The following NFIA variants were observed in gnomAD, a reference collection of about 807,000 sequenced individuals.
The protein encoded by NFIA is nuclear factor 1 A-type.
NFIA carries 8 observed loss-of-function variants against 62.8 expected under a neutral mutation model. The ratio of observed to expected loss-of-function variants is 0.13; its 90% CI spans 0.07 to 0.23. The LOEUF (loss-of-function observed/expected upper bound fraction) is 0.23. Among genes scored for constraint, NFIA ranks in the 10% least tolerant of loss-of-function variants. NFIA has a pLI of 1.00. For missense variants in NFIA, 410 were observed against 642.1 expected, an observed-to-expected ratio of 0.64 and a Z score of 3.91; for synonymous variants, 235 against 238.1, an observed-to-expected ratio of 0.99 and a Z score of 0.12.
In NFIA at chr1:61,455,513, ATTT is replaced by A; in HGVS notation, c.*204_*206del. 5 of 583,138 alleles carry A rather than the reference ATTT, an allele frequency of 8.6e-6. No homozygotes were observed. The highest frequency in any genetic ancestry group is 1.4e-5 in the Non-Finnish European group (5 of 350,220). The allele number at this position is 583,138 out of a possible 1,614,324, so 36.1% of individuals were successfully genotyped here. On this transcript the variant is annotated 3_prime_UTR_variant, in exon 11 of 11. Transcript: ENST00000403491. Reference sequence around the variant, plus strand: ...ACAGCAAAGGCCATAACCTTTTGGGATTTTTTTTTTTTTAAAATACTTTAGGGA... The same window carrying A: ...ACAGCAAAGGCCATAACCTTTTGGGATTTTTTTTTTAAAATACTTTAGGGA...
At chr1:61,220,049 C>T (rs1206170365) in intron 2 of NFIA, among the ~76,000 whole-genome samples, 1 of 152,166 alleles carries the variant, frequency 6.6e-6, no homozygotes, top group Non-Finnish European at 1.5e-5. Flanking sequence ...CAGGTCCCAT[C>T]GGCATTTTCC....
At chr1:61,120,566 G>T (rs1242753830) in intron 2 of NFIA, among the ~76,000 whole-genome samples, 4 of 152,156 alleles carry the variant, frequency 2.6e-5, no homozygotes, top group African/African-American at 9.7e-5. Flanking sequence ...GCCATCAAAA[G>T]AGTGATAAGC....
At chr1:61,300,677 A>G (rs898136984) in intron 3 of NFIA, among the ~76,000 whole-genome samples, 2 of 151,920 alleles carry the variant, frequency 1.3e-5, no homozygotes, top group African/African-American at 4.8e-5. Flanking sequence ...ATATACACAC[A>G]CATACCATAT....
At position 61,258,728 on chromosome 1, in the gene NFIA, G is replaced by GT. The variant is rs397755464; in HGVS notation, c.560-18782dup. ...CCTACTACAGATAATAGGAAATGTGGTTTTTTTTTTATTTTTTTGAAACAG... is the reference window on the plus strand; with the variant it reads ...CCTACTACAGATAATAGGAAATGTGGTTTTTTTTTTTATTTTTTTGAAACAG... On this transcript the variant is annotated intron_variant, in intron 2 of 10. Transcript: ENST00000403491. Among the ~76,000 whole-genome samples the GT allele has an allele frequency of 5.6e-3, 840 of 149,666 alleles. 6 individuals are homozygous for GT. The highest frequency in any genetic ancestry group is 7.1e-3 in the Non-Finnish European group (476 of 67,170).
chr1:61,170,012 C>T (rs1188702085), intron 2 of NFIA, among the ~76,000 whole-genome samples: 1 of 152,182 alleles, frequency 6.6e-6, no homozygotes, highest in East Asian at 1.9e-4. Flanking sequence ...CCCATTACCC[C>T]TACCATGTAG....
intron 7 of NFIA, 88 bp downstream of exon 7, chr1:61,383,453 C>G (rs1462734680): frequency 1.3e-6 from 2 of 1,539,430 alleles, no homozygotes; most frequent in Non-Finnish European, 1.8e-6. Context: ...AGGACTCCCC[C>G]TGAACACTCG....
At chr1:61,237,945 G>T (rs1431071521) in intron 2 of NFIA, among the ~76,000 whole-genome samples, 2 of 152,100 alleles carry the variant, frequency 1.3e-5, no homozygotes, top group Non-Finnish European at 2.9e-5. Context: ...TTTTCAAATG[G>T]CTCAAAGCCG....
intron 2 of NFIA, among the ~76,000 whole-genome samples, chr1:61,176,799 A>C (rs1333813292): frequency 6.6e-6 from 1 of 152,140 alleles, no homozygotes; most frequent in Non-Finnish European, 1.5e-5. Context: ...TTTTTAAAAA[A>C]TTCATTTATT....
chr1:61,161,554 CCTCT>C (rs1218199946), intron 2 of NFIA, among the ~76,000 whole-genome samples: 1 of 151,274 alleles, frequency 6.6e-6, no homozygotes, highest in Non-Finnish European at 1.5e-5. Flanking sequence ...AGCTTGAGAT[CCTCT>C]CTTTCTCTCT....
chr1:61,368,060 A>C (rs1288624866), intron 6 of NFIA, among the ~76,000 whole-genome samples: 1 of 152,226 alleles, frequency 6.6e-6, no homozygotes, highest in Non-Finnish European at 1.5e-5. Flanking sequence ...GAGAACCCAG[A>C]TGTACAATTT....
In NFIA at chr1:61,385,471, T is replaced by TAATG. The variant is rs10628489; in HGVS notation, c.1075+2108_1075+2111dup. On this transcript the variant is annotated intron_variant, in intron 7 of 10. Coordinates refer to ENST00000403491, the MANE Select transcript of NFIA (RefSeq NM_001134673.4). ...ATCAATATAGTGGGTACAATACTAA[T>TAATG]AATGACCATTTCCTCCCAATCTTGT... Among the ~76,000 whole-genome samples, 643 of 152,304 alleles carry TAATG rather than the reference T, an allele frequency of 4.2e-3. 9 individuals carry two copies. The highest frequency in any genetic ancestry group is 0.036 in the East Asian group (185 of 5,162).
intron 4 of NFIA, among the ~76,000 whole-genome samples, chr1:61,341,959 G>C (rs1661944461): frequency 6.6e-6 from 1 of 152,104 alleles, no homozygotes; most frequent in Admixed American, 6.5e-5. Flanking sequence ...GATTTGGCTG[G>C]AGTACATTAT....
In NFIA at chr1:61,432,468, T is replaced by G. The variant is rs1420583232; in HGVS notation, c.1512+5912T>G. On this transcript the variant is annotated intron_variant, in intron 10 of 10. Coordinates refer to ENST00000403491, the MANE Select transcript of NFIA (RefSeq NM_001134673.4). Reference sequence around the variant, plus strand: ...TTAGCTGACGCCATTCCCGGGCTCCTGCCCACCCTGACAGGAGCTGCCTGA... The same window carrying G: ...TTAGCTGACGCCATTCCCGGGCTCCGGCCCACCCTGACAGGAGCTGCCTGA... Among the ~76,000 whole-genome samples the G allele has an allele frequency of 5.3e-5, 8 of 151,924 alleles. No homozygotes were observed. The East Asian group carries it at 1.4e-3, about 26-fold the overall frequency.
Position 61,406,684 on chromosome 1 carries a change from A to G in NFIA, c.1377A>G (p.Pro459=). The change falls in exon 9 of 11, where the codon CCA becomes CCG. Residue 459 remains proline, a synonymous_variant. Transcript: ENST00000403491. ...VPLPVPDTKP[P]TTSTEGGAAS... Reference sequence around the variant, plus strand: ...TGCCGGTGCCAGACACAAAGCCTCCAACCACGTCAACAGAAGGAGGTGCAG... The same window carrying G: ...TGCCGGTGCCAGACACAAAGCCTCCGACCACGTCAACAGAAGGAGGTGCAG... 1.9e-6 allele frequency: 3 copies of G among 1,612,978 alleles called. No homozygotes were observed. The highest frequency in any genetic ancestry group is 2.5e-6 in the Non-Finnish European group (3 of 1,179,584).
At chr1:61,166,101 T>A (rs994204717) in intron 2 of NFIA, among the ~76,000 whole-genome samples, 2 of 152,162 alleles carry the variant, frequency 1.3e-5, no homozygotes, top group Admixed American at 1.3e-4. Context: ...TGTATGAAAA[T>A]CTACTTTATA....
In NFIA at chr1:61,330,443, CCA is replaced by C. The variant is rs1553173861; in HGVS notation, c.626-2053_626-2052del. ...AACTTAGGAAATAGATACACCCCCC[CCA>C]CACACACACACACACGCACACATCT... On this transcript the variant is annotated intron_variant, in intron 3 of 10. Transcript: ENST00000403491. 4.0e-4 allele frequency among the ~76,000 whole-genome samples: 36 copies of C among 90,696 alleles called. 1 individual carries two copies. The highest frequency in any genetic ancestry group is 2.0e-3 in the South Asian group (3 of 1,466). 59.5% of individuals were successfully genotyped at this position (90,696 alleles called of 152,430 possible).
intron 2 of NFIA, among the ~76,000 whole-genome samples, chr1:61,194,465 G>T (rs906573885): frequency 4.6e-5 from 7 of 152,086 alleles, no homozygotes; most frequent in African/African-American, 1.7e-4. Flanking sequence ...TTTGCAGTTG[G>T]AACGTTTCTC....
In NFIA at chr1:61,306,269, C is replaced by CTTTTTTTTTTTTT. The variant is rs774297484; in HGVS notation, c.626-26230_626-26218dup. Among the ~76,000 whole-genome samples, 49 of 60,610 alleles carry CTTTTTTTTTTTTT rather than the reference C, an allele frequency of 8.1e-4. 3 individuals are homozygous for CTTTTTTTTTTTTT. Among genetic ancestry groups the CTTTTTTTTTTTTT allele is most frequent in the African/African-American group, 2.9e-3 (37 of 12,928 alleles). The allele number at this position is 60,610 out of a possible 152,430, so 39.8% of individuals were successfully genotyped here. On this transcript the variant is annotated intron_variant, in intron 3 of 10. Coordinates refer to ENST00000403491, the MANE Select transcript of NFIA (RefSeq NM_001134673.4). ...TCATCCTGGAGACCCAGATTTTGTT[C>CTTTTTTTTTTTTT]TTTTTTTTTTTTTTTTTTTTTTTTT...
intron 6 of NFIA, among the ~76,000 whole-genome samples, chr1:61,375,373 TA>T (rs1664097218): frequency 1.3e-5 from 2 of 151,992 alleles, no homozygotes; most frequent in Non-Finnish European, 2.9e-5. Flanking sequence ...TCTAGTGGAG[TA>T]GGGGAATCTG....
Sources: gnomAD v4.1 joint callset for allele counts (sites outside exome capture counted in the v4.1 genomes callset) on GRCh38, gnomAD v4.1.1 for gene constraint, MANE v1.5 for transcripts, NCBI Gene and HGNC (gene_info 2026-07-23, HGNC 2026-07-21) for gene names.